RALYL: variants seen among roughly 807,000 people sequenced by gnomAD.
RALYL encodes the protein RNA-binding Raly-like protein.
A neutral mutation model predicts 35.1 loss-of-function variants in RALYL; 29 were observed. That is an observed-to-expected ratio of 0.83 (90% CI 0.61 to 1.13). The LOEUF (loss-of-function observed/expected upper bound fraction) is 1.13. RALYL is among the 50% of genes most tolerant of loss of function. RALYL has a pLI of 0.00. For missense variants in RALYL, 359 were observed against 360.4 expected (o/e 1.00, Z 0.03); for synonymous variants, 120 against 127.6 (o/e 0.94, Z 0.40).
At chr8:84,495,871 T>C (rs1208100610) in intron 1 of RALYL, among the ~76,000 whole-genome samples, 1 of 152,128 alleles carries the variant, frequency 6.6e-6, no homozygotes, top group Non-Finnish European at 1.5e-5. Context: ...TACAAGTTGT[T>C]ATTAGTATTT....
chr8:84,251,607 G>A (rs1360899495), intron 1 of RALYL, among the ~76,000 whole-genome samples: 1 of 152,004 alleles, frequency 6.6e-6, no homozygotes, highest in African/African-American at 2.4e-5. Context: ...GTCCTTGAGT[G>A]TACATTTCGC....
In RALYL at chr8:84,887,071, C is replaced by A. The variant is rs373566309; in HGVS notation, c.686-533C>A. On this transcript the variant is annotated intron_variant, in intron 7 of 8. Coordinates refer to ENST00000521268, the MANE Select transcript of RALYL (RefSeq NM_173848.7). Reference sequence around the variant, plus strand: ...ATAATTTAGACTTTAAAATTTCCGGCAATTATTCACACAGACATGTTGTCT... The same window carrying A: ...ATAATTTAGACTTTAAAATTTCCGGAAATTATTCACACAGACATGTTGTCT... Among the ~76,000 whole-genome samples, 62 of 152,218 alleles carry A rather than the reference C, an allele frequency of 4.1e-4. No homozygotes were observed. In the South Asian group the frequency reaches 0.013, roughly 31 times the overall value.
chr8:84,249,104 G>A (rs1829693722), intron 1 of RALYL, among the ~76,000 whole-genome samples: 1 of 151,948 alleles, frequency 6.6e-6, no homozygotes, highest in Non-Finnish European at 1.5e-5. Flanking sequence ...CAATATTGAG[G>A]CAGCGTAAAA....
intron 4 of RALYL, among the ~76,000 whole-genome samples, chr8:84,827,912 C>T (rs1225651930): frequency 6.6e-6 from 1 of 152,014 alleles, no homozygotes; most frequent in African/African-American, 2.4e-5. Flanking sequence ...AGATAAGCCA[C>T]TTGGTAATTT....
rs544137025 is a variant in RALYL at position 84,901,747 on chromosome 8, C to A, written c.858+13971C>A. Among the ~76,000 whole-genome samples, 11 of 152,028 alleles carry A rather than the reference C, an allele frequency of 7.2e-5. No individual in the cohort carries two copies. The South Asian group carries it at 1.0e-3, about 14-fold the overall frequency. On this transcript the variant is annotated intron_variant, in intron 8 of 8. Transcript: ENST00000521268. ...AAGAGGGGATGGATCCTGGCTCAGG[C>A]TGAGGATGGACTGAAGTTTGGGGTC...
At chr8:84,216,101 A>C (rs964536765) in intron 1 of RALYL, among the ~76,000 whole-genome samples, 4 of 152,262 alleles carry the variant, frequency 2.6e-5, no homozygotes, top group African/African-American at 9.6e-5. Context: ...GCTGTGACCC[A>C]GGGCTGTAAT....
At chr8:84,188,283 G>C (rs971875251) in intron 1 of RALYL, among the ~76,000 whole-genome samples, 7 of 151,866 alleles carry the variant, frequency 4.6e-5, no homozygotes, top group African/African-American at 1.4e-4. Flanking sequence ...TTATCATACT[G>C]TCATTATGAA....
intron 2 of RALYL, among the ~76,000 whole-genome samples, chr8:84,690,360 AG>A (rs1225861594): frequency 8.5e-5 from 13 of 152,250 alleles, no homozygotes; most frequent in Non-Finnish European, 1.5e-4. Flanking sequence ...ATAGGATGGT[AG>A]TTGGCAGGGG....
At chr8:84,665,351 A>T (rs1831790930) in intron 2 of RALYL, among the ~76,000 whole-genome samples, 1 of 152,038 alleles carries the variant, frequency 6.6e-6, no homozygotes, top group Non-Finnish European at 1.5e-5. Flanking sequence ...GTTAGGGAAG[A>T]GTCCCTCCTT....
At chr8:84,701,157 A>G (rs576581370) in intron 2 of RALYL, among the ~76,000 whole-genome samples, 2 of 152,258 alleles carry the variant, frequency 1.3e-5, no homozygotes, top group African/African-American at 4.8e-5. Flanking sequence ...TTACATCTAA[A>G]CCTGATAAAC....
chr8:84,189,748 T>C (rs541004156), intron 1 of RALYL, among the ~76,000 whole-genome samples: 20 of 152,214 alleles, frequency 1.3e-4, no homozygotes, highest in African/African-American at 4.8e-4. Context: ...TTTTTCCTAA[T>C]ATAAAACAAC....
At chr8:84,900,522 G>GA (rs1461105942) in intron 8 of RALYL, among the ~76,000 whole-genome samples, 1 of 151,810 alleles carries the variant, frequency 6.6e-6, no homozygotes, top group Non-Finnish European at 1.5e-5. Context: ...ATGAAAAATA[G>GA]AAAAAAATTA....
chr8:84,454,302 C>G (rs889365810), intron 1 of RALYL, among the ~76,000 whole-genome samples: 3 of 145,316 alleles, frequency 2.1e-5, no homozygotes, highest in Non-Finnish European at 4.7e-5. Context: ...TCTAGAAGCT[C>G]TGTGTTTGTT....
rs1849335251 is a variant in RALYL at position 84,921,786 on chromosome 8, A to G, written c.*875A>G. On this transcript the variant is annotated 3_prime_UTR_variant, in exon 9 of 9. Coordinates refer to ENST00000521268, the MANE Select transcript of RALYL (RefSeq NM_173848.7). Reference sequence around the variant, plus strand: ...TGGAAATGGAAGAAACCATCTTCACAGACCGTAGGAGAATTCAACATATAA... The same window carrying G: ...TGGAAATGGAAGAAACCATCTTCACGGACCGTAGGAGAATTCAACATATAA... 1 of 152,212 alleles carries G rather than the reference A, an allele frequency of 6.6e-6. No individual in the cohort carries two copies. The highest frequency in any genetic ancestry group is 1.5e-5 in the Non-Finnish European group (1 of 68,018). The allele number at this position is 152,212 out of a possible 1,614,324, so 9.4% of individuals were successfully genotyped here. A position where few individuals can be genotyped will look rare whatever the true frequency, so the allele number is the denominator to read the frequency against.
chr8:84,789,867 A>G (rs1402965969), intron 3 of RALYL, among the ~76,000 whole-genome samples: 1 of 152,220 alleles, frequency 6.6e-6, no homozygotes, highest in Non-Finnish European at 1.5e-5. Flanking sequence ...AAAAAGAATA[A>G]AAGAAATATG....
At chr8:84,793,260 C>T (rs962392339) in intron 3 of RALYL, among the ~76,000 whole-genome samples, 13 of 152,236 alleles carry the variant, frequency 8.5e-5, no homozygotes, top group Non-Finnish European at 1.6e-4. Flanking sequence ...AGCTCTACAA[C>T]ACTCTCAAAT....
chr8:84,302,593 G>A (rs1841017821), intron 1 of RALYL, among the ~76,000 whole-genome samples: 1 of 152,144 alleles, frequency 6.6e-6, no homozygotes, highest in Non-Finnish European at 1.5e-5. Flanking sequence ...CGTACATCTT[G>A]GGAGATGGAA....
intron 2 of RALYL, among the ~76,000 whole-genome samples, chr8:84,540,859 T>A (rs988470562): frequency 1.5e-4 from 23 of 152,042 alleles, no homozygotes; most frequent in African/African-American, 5.5e-4. Context: ...TTGAGATTTT[T>A]AAAATATTTT....
At chr8:84,764,325 C>T (rs566696236) in intron 2 of RALYL, among the ~76,000 whole-genome samples, 3 of 152,152 alleles carry the variant, frequency 2.0e-5, no homozygotes, top group African/African-American at 4.8e-5. Flanking sequence ...AGCATGGCAC[C>T]GGGCATATGT....
Sources: gnomAD v4.1 joint callset for allele counts (sites outside exome capture counted in the v4.1 genomes callset) on GRCh38, gnomAD v4.1.1 for gene constraint, MANE v1.5 for transcripts, NCBI Gene and HGNC (gene_info 2026-07-23, HGNC 2026-07-21) for gene names.